KCNS3: variants seen among roughly 807,000 people sequenced by gnomAD.
KCNS3 encodes delayed-rectifier potassium channel regulatory subunit KCNS3.
Under a neutral mutation model 31.0 loss-of-function variants are expected in KCNS3, and 13 were observed. The observed-to-expected ratio is 0.42, with a 90% confidence interval of 0.27 to 0.67. The LOEUF is 0.67. KCNS3 is among the 30% of genes least tolerant of loss of function. The pLI, the probability that KCNS3 is intolerant of heterozygous loss-of-function variation, is 0.25. For missense variants in KCNS3, 545 were observed against 622.4 expected (o/e 0.88, Z 1.32); for synonymous variants, 238 against 241.5 (o/e 0.99, Z 0.13).
intron 1 of KCNS3, among the ~76,000 whole-genome samples, chr2:17,908,654 C>G (rs1339430920): frequency 6.6e-6 from 1 of 152,160 alleles, no homozygotes; most frequent in Admixed American, 6.5e-5. Context: ...GATGTCCTTT[C>G]TGTTTGTTAG....
chr2:17,880,456 T>C (rs967141673), intron 1 of KCNS3, among the ~76,000 whole-genome samples: 2 of 152,244 alleles, frequency 1.3e-5, no homozygotes, highest in Non-Finnish European at 2.9e-5. Context: ...TCTAATATTA[T>C]GTTTGTCGTT....
intron 1 of KCNS3, among the ~76,000 whole-genome samples, chr2:17,902,783 A>G (rs1662216212): frequency 6.6e-6 from 1 of 152,188 alleles, no homozygotes; most frequent in African/African-American, 2.4e-5. Flanking sequence ...AGTATTAGCC[A>G]GGTGGAATCT....
At chr2:17,901,975 T>C (rs772856693) in intron 1 of KCNS3, among the ~76,000 whole-genome samples, 7 of 152,220 alleles carry the variant, frequency 4.6e-5, no homozygotes, top group Admixed American at 3.9e-4. Flanking sequence ...TCATTTTGGG[T>C]CCCTGCCTTG....
intron 2 of KCNS3, among the ~76,000 whole-genome samples, chr2:17,924,339 A>C (rs1662787737): frequency 6.6e-6 from 1 of 151,842 alleles, no homozygotes; most frequent in African/African-American, 2.4e-5. Flanking sequence ...GTCTGGATGC[A>C]TTTTCTTTCT....
At chr2:17,914,605 G>C (rs1430504059) in intron 1 of KCNS3, among the ~76,000 whole-genome samples, 1 of 152,160 alleles carries the variant, frequency 6.6e-6, no homozygotes, top group South Asian at 2.1e-4. Flanking sequence ...CTTTAGTCTT[G>C]TTGGCTCAGG....
At chr2:17,884,236 C>A in intron 1 of KCNS3, among the ~76,000 whole-genome samples, 1 of 126,268 alleles carries the variant, frequency 7.9e-6, no homozygotes, top group Non-Finnish European at 1.6e-5. Flanking sequence ...GCACATGTAC[C>A]CTAGAACTTA....
chr2:17,931,779 CATT>C lies in KCNS3; in HGVS notation c.772_774del (p.Ile258del). ...AATTCTGGAAAAACCCTCTGAACATCATTGACTTTGTCTCTATTATTCCCTTCT... is the reference window on the plus strand; with the variant it reads ...AATTCTGGAAAAACCCTCTGAACATCGACTTTGTCTCTATTATTCCCTTCT... On this transcript the variant is annotated inframe_deletion, in exon 3 of 3. Coordinates refer to ENST00000304101, the MANE Select transcript of KCNS3 (RefSeq NM_002252.5). The surrounding 1 kb of genome is among the most constrained non-coding windows in gnomAD (Gnocchi z 5.4). The C allele has an allele frequency of 6.2e-7, 1 of 1,614,134 alleles. No individual in the cohort carries two copies. The highest frequency in any genetic ancestry group is 8.5e-7 in the Non-Finnish European group (1 of 1,179,996).
chr2:17,911,697 A>G (rs184160753), intron 1 of KCNS3, among the ~76,000 whole-genome samples: 4 of 152,334 alleles, frequency 2.6e-5, no homozygotes, highest in Admixed American at 2.6e-4. Flanking sequence ...TTGCGTCATA[A>G]TTATTTCTCT....
intron 1 of KCNS3, among the ~76,000 whole-genome samples, chr2:17,906,880 T>C (rs1259317450): frequency 3.3e-5 from 5 of 152,214 alleles, no homozygotes; most frequent in Non-Finnish European, 4.4e-5. Flanking sequence ...TACTTCCAAC[T>C]ATGTGGTCAA....
intron 1 of KCNS3, among the ~76,000 whole-genome samples, chr2:17,897,416 T>C (rs1448511129): frequency 1.3e-5 from 2 of 152,356 alleles, no homozygotes; most frequent in East Asian, 3.9e-4. Flanking sequence ...GTAATGAGAC[T>C]GCTGAGTTGA....
At chr2:17,922,201 T>C (rs766966602) in intron 2 of KCNS3, among the ~76,000 whole-genome samples, 3 of 151,760 alleles carry the variant, frequency 2.0e-5, no homozygotes, top group Non-Finnish European at 4.4e-5. Flanking sequence ...TGGGTTCAAA[T>C]ATTGTAACTC....
At chr2:17,915,796 CAA>C (rs950843882) in intron 1 of KCNS3, among the ~76,000 whole-genome samples, 6 of 152,066 alleles carry the variant, frequency 3.9e-5, no homozygotes, top group African/African-American at 9.7e-5. Flanking sequence ...AAATTCATAA[CAA>C]GAGATATTGT....
intron 1 of KCNS3, among the ~76,000 whole-genome samples, chr2:17,883,665 C>T (rs1674693795): frequency 6.6e-6 from 1 of 152,116 alleles, no homozygotes; most frequent in South Asian, 2.1e-4. Context: ...CATTGAGCCT[C>T]TTTTTGTTCT....
chr2:17,918,488 A>G (rs1351594676), intron 2 of KCNS3, among the ~76,000 whole-genome samples: 1 of 152,220 alleles, frequency 6.6e-6, no homozygotes, highest in Non-Finnish European at 1.5e-5. Flanking sequence ...AAGTGGGGAC[A>G]GTTCACCACC....
chr2:17,902,844 G>A (rs769600171), intron 1 of KCNS3, among the ~76,000 whole-genome samples: 1 of 152,156 alleles, frequency 6.6e-6, no homozygotes, highest in Non-Finnish European at 1.5e-5. Flanking sequence ...CTGGGTTAGT[G>A]TGCTTTTATT....
chr2:17,890,063 T>G (rs1392029237), intron 1 of KCNS3, among the ~76,000 whole-genome samples: 1 of 152,168 alleles, frequency 6.6e-6, no homozygotes, highest in Non-Finnish European at 1.5e-5. Flanking sequence ...CCTGGACTGT[T>G]TTTTTGGCAA....
intron 1 of KCNS3, among the ~76,000 whole-genome samples, chr2:17,906,455 T>C (rs932954072): frequency 1.8e-4 from 28 of 152,216 alleles, no homozygotes; most frequent in Non-Finnish European, 2.9e-4. Context: ...TGTGTCTCTA[T>C]CTCCTTCAGT....
At chr2:17,879,082 T>A (rs537029904) in intron 1 of KCNS3, among the ~76,000 whole-genome samples, 3 of 152,116 alleles carry the variant, frequency 2.0e-5, no homozygotes, top group Non-Finnish European at 2.9e-5. Context: ...AAGCGGTGGC[T>A]GGGTTGATTT....
chr2:17,884,668 T>C (rs903311642), intron 1 of KCNS3, among the ~76,000 whole-genome samples: 2 of 152,220 alleles, frequency 1.3e-5, no homozygotes, highest in African/African-American at 4.8e-5. Flanking sequence ...GGCAGGTTTG[T>C]GTCTATGTGG....
Sources: allele counts gnomAD v4.1 joint callset (sites outside exome capture counted in the v4.1 genomes callset), GRCh38; gene constraint gnomAD v4.1.1; non-coding constraint Gnocchi (gnomAD v3.1); transcripts MANE v1.5; gene names NCBI Gene and HGNC (gene_info 2026-07-23, HGNC 2026-07-21).